The following ADGRL2 variants were observed in gnomAD, a reference collection of about 807,000 sequenced individuals.
The protein encoded by ADGRL2 is adhesion G protein-coupled receptor L2, also known as calcium-independent alpha-latrotoxin receptor 2.
In ADGRL2, 44 loss-of-function variants were observed where a neutral mutation model predicts 157.4. That is an observed-to-expected ratio of 0.28 (90% CI 0.22 to 0.36). The LOEUF is 0.36. Among genes scored for constraint, ADGRL2 ranks in the 10% least tolerant of loss-of-function variants. The pLI, the probability that ADGRL2 is intolerant of heterozygous loss-of-function variation, is 1.00. For missense variants in ADGRL2, 1,510 were observed against 1,768.9 expected (o/e 0.85, Z 2.63); for synonymous variants, 585 against 624.7 (o/e 0.94, Z 0.95).
chr1:81,512,792 G>C (rs748700871), intron 2 of ADGRL2, among the ~76,000 whole-genome samples: 1 of 152,086 alleles, frequency 6.6e-6, no homozygotes, highest in Non-Finnish European at 1.5e-5. Context: ...AAAGCTGATA[G>C]TTTTTCTGGG....
At chr1:81,549,007 G>A (rs1052743979) in intron 2 of ADGRL2, among the ~76,000 whole-genome samples, 5 of 152,244 alleles carry the variant, frequency 3.3e-5, no homozygotes, top group African/African-American at 9.6e-5. Flanking sequence ...GTATGTTGGA[G>A]TGCTTTGCTT....
Position 81,722,741 on chromosome 1 carries a change from G to A in ADGRL2, c.-143+22933G>A, listed in dbSNP as rs145505855. 760 of 878,638 alleles carry A rather than the reference G, an allele frequency of 8.6e-4. 5 individuals are homozygous for A. The African/African-American group carries it at 0.011, about 13-fold the overall frequency. The allele number at this position is 878,638 out of a possible 1,614,324, so 54.4% of individuals were successfully genotyped here. Reference sequence around the variant, plus strand: ...AGAGCGAGAGATCAAAGAATAGAAAGAGTTAAGAAGGCTCAAGAAGAGCAT... The same window carrying A: ...AGAGCGAGAGATCAAAGAATAGAAAAAGTTAAGAAGGCTCAAGAAGAGCAT... On this transcript the variant is annotated intron_variant, in intron 1 of 20. Coordinates refer to the ADGRL2 transcript ENST00000359929.
chr1:81,531,563 G>A (rs989091346), intron 2 of ADGRL2, among the ~76,000 whole-genome samples: 5 of 152,126 alleles, frequency 3.3e-5, no homozygotes, highest in Non-Finnish European at 7.4e-5. Context: ...CAAGCTGTGA[G>A]TCTCAACTCA....
intron 1 of ADGRL2, among the ~76,000 whole-genome samples, chr1:81,720,032 A>G (rs189126282): frequency 3.3e-4 from 50 of 152,190 alleles, no homozygotes; most frequent in African/African-American, 1.1e-3. Context: ...ACTATATTTT[A>G]TTATGAAAAT....
intron 11 of ADGRL2, among the ~76,000 whole-genome samples, chr1:81,960,646 T>A (rs191533749): frequency 6.6e-6 from 1 of 152,196 alleles, no homozygotes; most frequent in East Asian, 1.9e-4. Flanking sequence ...TGCTAATTTT[T>A]GTATTTTTAG....
chr1:81,722,074 C>T (rs1464896457), intron 1 of ADGRL2: 52 of 384,256 alleles, frequency 1.4e-4, no homozygotes, highest in Non-Finnish European at 1.1e-4. Flanking sequence ...GGGCGGATCA[C>T]GAGGTCAGGA....
chr1:81,802,280 C>A (rs1263621019), intron 1 of ADGRL2, among the ~76,000 whole-genome samples: 1 of 152,042 alleles, frequency 6.6e-6, no homozygotes, highest in African/African-American at 2.4e-5. Context: ...CTTCGGAGAC[C>A]TGTTTGCTTT....
At chr1:81,722,635 G>C (rs1472525149) in intron 1 of ADGRL2, 1 of 1,401,180 alleles carries the variant, frequency 7.1e-7, no homozygotes, top group Non-Finnish European at 1.0e-6. Context: ...ATTGGATTAC[G>C]ATGAAGATGC....
chr1:81,815,248 C>T (rs1197053499), intron 1 of ADGRL2, among the ~76,000 whole-genome samples: 2 of 151,716 alleles, frequency 1.3e-5, no homozygotes, highest in Admixed American at 6.6e-5. Flanking sequence ...TAAGTCAAAG[C>T]GGAAAGGTAG....
chr1:81,433,426 G>C (rs973273166), intron 1 of ADGRL2, among the ~76,000 whole-genome samples: 1 of 152,150 alleles, frequency 6.6e-6, no homozygotes, highest in Non-Finnish European at 1.5e-5. Flanking sequence ...TATATTCCAA[G>C]AGAAGTGTGC....
intron 1 of ADGRL2, among the ~76,000 whole-genome samples, chr1:81,725,006 C>G (rs141748776): frequency 0.07 from 10,587 of 151,554 alleles, 458 homozygotes; most frequent in Non-Finnish European, 0.097. Flanking sequence ...GAGTTTGAGA[C>G]CAGCCTGGCC....
chr1:81,619,003 C>A (rs2081728604), intron 3 of ADGRL2, among the ~76,000 whole-genome samples: 1 of 152,100 alleles, frequency 6.6e-6, no homozygotes, highest in Non-Finnish European at 1.5e-5. Flanking sequence ...AAATGGAATC[C>A]TTTAAAATGA....
chr1:81,461,067 A>G (rs1487158884), intron 2 of ADGRL2, among the ~76,000 whole-genome samples: 2 of 152,170 alleles, frequency 1.3e-5, no homozygotes, highest in East Asian at 1.9e-4. Context: ...TGAACAGGGT[A>G]AGGGAAAGAG....
chr1:81,607,749 C>T (rs1425850256), intron 3 of ADGRL2, among the ~76,000 whole-genome samples: 6 of 152,110 alleles, frequency 3.9e-5, no homozygotes, highest in Non-Finnish European at 8.8e-5. Flanking sequence ...GCCTAACTTC[C>T]TGACATGACT....
chr1:81,557,204 CT>C, intron 2 of ADGRL2: 2 of 181,992 alleles, frequency 1.1e-5, no homozygotes, highest in South Asian at 2.8e-4. Flanking sequence ...TGCTGGCCGG[CT>C]TTTCAAGCTG....
chr1:81,823,448 G>A (rs993510884), intron 1 of ADGRL2, among the ~76,000 whole-genome samples: 1 of 137,580 alleles, frequency 7.3e-6, no homozygotes, highest in African/African-American at 2.7e-5. Context: ...TCCCTCCTAT[G>A]TTTCTTATTG....
At chr1:81,663,679 A>C (rs1290403991) in intron 3 of ADGRL2, among the ~76,000 whole-genome samples, 1 of 152,158 alleles carries the variant, frequency 6.6e-6, no homozygotes, top group East Asian at 1.9e-4. Flanking sequence ...ATTGATTACA[A>C]GAGGGAATGA....
At chr1:81,471,783 C>A (rs1007524010) in intron 2 of ADGRL2, among the ~76,000 whole-genome samples, 1 of 152,086 alleles carries the variant, frequency 6.6e-6, no homozygotes, top group African/African-American at 2.4e-5. Context: ...CTGGATAAGA[C>A]CTAAATTTTA....
intron 1 of ADGRL2, among the ~76,000 whole-genome samples, chr1:81,710,107 A>T (rs552284345): frequency 6.6e-6 from 1 of 152,310 alleles, no homozygotes; most frequent in Admixed American, 6.5e-5. Flanking sequence ...TATTTATCAC[A>T]TATTGCATAT....
Sources: allele counts gnomAD v4.1 joint callset (sites outside exome capture counted in the v4.1 genomes callset), GRCh38; gene constraint gnomAD v4.1.1; transcripts MANE v1.5; gene names NCBI Gene and HGNC (gene_info 2026-07-23, HGNC 2026-07-21).